The following KATNA1 variants were observed in gnomAD, a reference collection of about 807,000 sequenced individuals.
The protein encoded by KATNA1 is katanin catalytic subunit A1.
KATNA1 carries 42 observed loss-of-function variants against 62.6 expected under a neutral mutation model. The observed-to-expected ratio is 0.67, with a 90% CI of 0.52 to 0.87. KATNA1 has a LOEUF of 0.87. Among genes scored for constraint, KATNA1 ranks in the 40% least tolerant of loss-of-function variants. The pLI is 0.00. For missense variants in KATNA1, 498 were observed against 612.5 expected, an observed-to-expected ratio of 0.81 and a Z score of 1.97; for synonymous variants, 186 against 201.9, an observed-to-expected ratio of 0.92 and a Z score of 0.67.
chr6:149,611,643 C>T (rs1350672836), intron 4 of KATNA1, among the ~76,000 whole-genome samples: 1 of 151,886 alleles, frequency 6.6e-6, no homozygotes, highest in African/African-American at 2.4e-5. Context: ...GGACAGAGAA[C>T]ACGTATTACT....
Position 149,645,399 on chromosome 6 carries a change from C to A in KATNA1, c.-14+3070G>T, listed in dbSNP as rs533771853. Among the ~76,000 whole-genome samples the A allele has an allele frequency of 2.0e-5, 3 of 150,804 alleles. No individual in the cohort carries two copies. In the East Asian group the frequency reaches 5.9e-4, roughly 29 times the overall value. On this transcript the variant is annotated intron_variant, in intron 1 of 10. Coordinates refer to ENST00000367411, the MANE Select transcript of KATNA1 (RefSeq NM_007044.4). ...AGAGCGTGCAAGTGAGCCAAGCTCGCGCCACTGCACTCCAGCCTGGGCGAC... is the reference window on the plus strand; with the variant it reads ...AGAGCGTGCAAGTGAGCCAAGCTCGAGCCACTGCACTCCAGCCTGGGCGAC...
At position 149,607,380 on chromosome 6, in the gene KATNA1, G is replaced by C. The variant is rs938041646; in HGVS notation, c.502-2598C>G. Among the ~76,000 whole-genome samples, 6 of 152,298 alleles carry C rather than the reference G, an allele frequency of 3.9e-5. No homozygotes were observed. The East Asian group carries it at 7.7e-4, about 20-fold the overall frequency. On this transcript the variant is annotated intron_variant, in intron 4 of 10. Transcript: ENST00000367411. ...CCTATAATTCTAGCACTTAGGCTGA[G>C]GGGGGTGGATCAGTTGAGGCCAGGA... is the stretch of plus-strand genomic sequence containing the variant.
At chr6:149,595,803 G>A (rs994442567) in intron 10 of KATNA1, among the ~76,000 whole-genome samples, 1 of 152,198 alleles carries the variant, frequency 6.6e-6, no homozygotes, top group Non-Finnish European at 1.5e-5. Flanking sequence ...TCAGAACCCT[G>A]TGTGGTATGC....
intron 1 of KATNA1, among the ~76,000 whole-genome samples, chr6:149,643,041 C>G (rs1450276467): frequency 6.6e-6 from 1 of 152,190 alleles, no homozygotes; most frequent in Non-Finnish European, 1.5e-5. Context: ...TGACTTGCAT[C>G]TTGCTTGCTG....
At chr6:149,630,447 G>A (rs541882693) in intron 3 of KATNA1, among the ~76,000 whole-genome samples, 95 of 152,232 alleles carry the variant, frequency 6.2e-4, no homozygotes, top group Admixed American at 1.7e-3. Flanking sequence ...TGGCCAACAC[G>A]GTGAAACCCC....
chr6:149,611,307 C>A lies in KATNA1; in HGVS notation c.502-6525G>T, dbSNP rs904778568. Among the ~76,000 whole-genome samples the A allele has an allele frequency of 2.0e-5, 3 of 151,304 alleles. 1 individual carries two copies. In the South Asian group the frequency reaches 6.3e-4, roughly 32 times the overall value. On this transcript the variant is annotated intron_variant, in intron 4 of 10. Transcript: ENST00000367411. ...CGAAACCCTGTCTCTACTAAAAATA[C>A]AAAAATTAGCTGAGAGTGGTGGCGG...
At position 149,597,291 on chromosome 6, in the gene KATNA1, T is replaced by C. The variant is rs1385942416; in HGVS notation, c.1151-102A>G. 1.1e-5 allele frequency: 15 copies of C among 1,336,650 alleles called. No individual in the cohort carries two copies. In the East Asian group the frequency reaches 1.6e-4, roughly 15 times the overall value. 82.8% of individuals were successfully genotyped at this position (1,336,650 alleles called of 1,614,324 possible). A position where few individuals can be genotyped will look rare whatever the true frequency, so the allele number is the denominator to read the frequency against. ...GTGAGATGTTGTCTTCCAGTAAGAA[T>C]TGGATCTCTAAGAAGAGATAATTAA... On this transcript the variant is annotated intron_variant, in intron 9 of 10. Transcript: ENST00000367411.
chr6:149,640,373 C>T (rs1463415095), intron 1 of KATNA1, among the ~76,000 whole-genome samples: 1 of 151,818 alleles, frequency 6.6e-6, no homozygotes, highest in African/African-American at 2.4e-5. Context: ...GGGAGGATTA[C>T]CTGAGCCTGG....
intron 3 of KATNA1, among the ~76,000 whole-genome samples, chr6:149,632,144 A>C (rs888163309): frequency 5.9e-5 from 9 of 152,112 alleles, no homozygotes; most frequent in Non-Finnish European, 8.8e-5. Flanking sequence ...CTGTAATCCC[A>C]GCACTTTGGG....
Position 149,647,521 on chromosome 6 carries a change from C to CAAA in KATNA1, c.-14+945_-14+947dup, listed in dbSNP as rs10719474. Among the ~76,000 whole-genome samples the CAAA allele has an allele frequency of 2.7e-3, 128 of 46,852 alleles. 10 individuals carry two copies. The highest frequency in any genetic ancestry group is 9.3e-3 in the African/African-American group (121 of 13,016). The allele number at this position is 46,852 out of a possible 152,430, so 30.7% of individuals were successfully genotyped here. A position where few individuals can be genotyped will look rare whatever the true frequency, so the allele number is the denominator to read the frequency against. On this transcript the variant is annotated intron_variant, in intron 1 of 10. Coordinates refer to ENST00000367411, the MANE Select transcript of KATNA1 (RefSeq NM_007044.4). ...CTGGCGACAGAGCAAGACTCCGTCT[C>CAAA]AAAAAAAAAAAAAAAAAAAAAAAAA...
At chr6:149,605,889 C>T (rs1052813188) in intron 4 of KATNA1, among the ~76,000 whole-genome samples, 1 of 152,090 alleles carries the variant, frequency 6.6e-6, no homozygotes, top group African/African-American at 2.4e-5. Context: ...CTGTCTCAGC[C>T]TTCTGAGTAG....
intron 2 of KATNA1, among the ~76,000 whole-genome samples, chr6:149,637,978 T>C (rs545984278): frequency 4.6e-5 from 7 of 152,238 alleles, no homozygotes; most frequent in South Asian, 4.1e-4. Flanking sequence ...CATGTTTTGT[T>C]TTGTTTTTTA....
intron 2 of KATNA1, 88 bp downstream of exon 2, chr6:149,638,298 T>G: frequency 8.1e-7 from 1 of 1,237,366 alleles, no homozygotes; most frequent in Non-Finnish European, 1.2e-6. Context: ...AGTCTTAACA[T>G]GTAACTACAT....
chr6:149,609,802 C>CTAAAAAAAAAAAAAAAA (rs1778876884), intron 4 of KATNA1, among the ~76,000 whole-genome samples: 1 of 64,528 alleles, frequency 1.5e-5, no homozygotes, highest in Non-Finnish European at 2.8e-5. Flanking sequence ...GACTCCATCT[C>CTAAAAAAAAAAAAAAAA]AAAAAAAAAA....
chr6:149,646,210 T>C (rs923615570), intron 1 of KATNA1, among the ~76,000 whole-genome samples: 3 of 152,168 alleles, frequency 2.0e-5, no homozygotes, highest in African/African-American at 7.2e-5. Flanking sequence ...TGAAGTTTAA[T>C]AGAAGGGATA....
At chr6:149,627,199 T>C (rs1779648219) in intron 3 of KATNA1, among the ~76,000 whole-genome samples, 1 of 150,656 alleles carries the variant, frequency 6.6e-6, no homozygotes, top group Non-Finnish European at 1.5e-5. Flanking sequence ...TTGAAACCCG[T>C]CTGGCCAACA....
At chr6:149,620,789 T>C (rs1166656810) in intron 4 of KATNA1, among the ~76,000 whole-genome samples, 1 of 152,208 alleles carries the variant, frequency 6.6e-6, no homozygotes, top group Non-Finnish European at 1.5e-5. Flanking sequence ...GATTATTATG[T>C]GTCAAATTAA....
intron 4 of KATNA1, among the ~76,000 whole-genome samples, chr6:149,613,206 A>AAAAAAAAAAAAAAAAAAC (rs1779031093): frequency 7.0e-6 from 1 of 142,760 alleles, no homozygotes; most frequent in African/African-American, 2.7e-5. Context: ...AAAAAAAAAA[A>AAAAAAAAAAAAAAAAAAC]AAAAAAAAAA....
At chr6:149,597,218 A>T in intron 9 of KATNA1, 29 bp from the exon 10 acceptor site, 1 of 1,608,642 alleles carries the variant, frequency 6.2e-7, no homozygotes. Flanking sequence ...TTTAAAATGT[A>T]AGCCTGCAGC....
Sources: gnomAD v4.1 joint callset for allele counts (sites outside exome capture counted in the v4.1 genomes callset) on GRCh38, gnomAD v4.1.1 for gene constraint, MANE v1.5 for transcripts, NCBI Gene and HGNC (gene_info 2026-07-23, HGNC 2026-07-21) for gene names.